The following ANO4 variants were observed in gnomAD, a reference collection of about 807,000 sequenced individuals.
ANO4 encodes anoctamin-4.
In ANO4, 69 loss-of-function variants were observed where a neutral mutation model predicts 141.9. The observed-to-expected ratio is 0.49, with a 90% CI of 0.40 to 0.59. ANO4 has a LOEUF of 0.59. ANO4 is among the 20% of genes least tolerant of loss of function. The pLI, the probability that ANO4 is intolerant of heterozygous loss-of-function variation, is 0.00. For missense variants in ANO4, 894 were observed against 1,162.2 expected (o/e 0.77, Z 3.36); for synonymous variants, 350 against 394.3 (o/e 0.89, Z 1.33).
chr12:100,981,938 G>A (rs2044482220), intron 7 of ANO4, among the ~76,000 whole-genome samples: 1 of 152,020 alleles, frequency 6.6e-6, no homozygotes, highest in South Asian at 2.1e-4. Context: ...AGATCAAATA[G>A]AACCTTCCCA....
intron 5 of ANO4, among the ~76,000 whole-genome samples, chr12:100,961,153 GGCCTAT>G (rs1255368558): frequency 6.6e-6 from 1 of 152,008 alleles, no homozygotes; most frequent in African/African-American, 2.4e-5. Context: ...GTCCAATTAG[GGCCTAT>G]GCACTAGGCA....
At chr12:100,727,898 C>T (rs1278812457) in intron 1 of ANO4, among the ~76,000 whole-genome samples, 1 of 152,132 alleles carries the variant, frequency 6.6e-6, no homozygotes, top group Non-Finnish European at 1.5e-5. Context: ...TGCCCTTGTA[C>T]TTTTACTTCA....
At position 101,042,445 on chromosome 12, in the gene ANO4, C is replaced by T; in HGVS notation, c.1131C>T (p.Thr377=). The change falls in exon 12 of 28, where the codon ACC becomes ACT. Residue 377 remains threonine, a synonymous_variant. Transcript: ENST00000392977. The stretch of plus-strand genomic sequence containing the variant: ...TGTTTGTCTTTTTGTATGGCGTCAC[C>T]ACTCTGGATCACAGCCAAGTCAGGT... ...IGLFVFLYGV[T]TLDHSQVSKE... is the part of the protein sequence containing the mutation. The T allele has an allele frequency of 6.2e-7, 1 of 1,614,090 alleles. No homozygotes were observed.
chr12:101,084,369 T>C (rs2136889262), intron 16 of ANO4, among the ~76,000 whole-genome samples: 1 of 152,272 alleles, frequency 6.6e-6, no homozygotes, highest in South Asian at 2.1e-4. Flanking sequence ...ATCATGTCAG[T>C]TTGAAAAACA....
intron 17 of ANO4, among the ~76,000 whole-genome samples, chr12:101,091,367 C>T (rs1201589816): frequency 6.6e-6 from 1 of 152,172 alleles, no homozygotes; most frequent in Non-Finnish European, 1.5e-5. Context: ...GATGATGTCT[C>T]ATCCCCGCAC....
At chr12:100,799,559 T>C (rs945570482) in intron 1 of ANO4, among the ~76,000 whole-genome samples, 2 of 152,128 alleles carry the variant, frequency 1.3e-5, no homozygotes, top group Non-Finnish European at 2.9e-5. Flanking sequence ...CTGGCCAACA[T>C]GGTGAAACTC....
intron 3 of ANO4, among the ~76,000 whole-genome samples, chr12:100,767,977 G>C (rs2033155470): frequency 6.6e-6 from 1 of 152,110 alleles, no homozygotes; most frequent in African/African-American, 2.4e-5. Flanking sequence ...TGGATCTAGT[G>C]GAACATGGGG....
intron 9 of ANO4, among the ~76,000 whole-genome samples, chr12:101,025,016 C>T (rs2046675683): frequency 6.6e-6 from 1 of 152,182 alleles, no homozygotes; most frequent in Non-Finnish European, 1.5e-5. Context: ...TCTCAAGCCA[C>T]TTGAGAAATT....
chr12:101,113,233 C>T (rs965495209), intron 24 of ANO4, among the ~76,000 whole-genome samples: 2 of 152,144 alleles, frequency 1.3e-5, no homozygotes, highest in African/African-American at 2.4e-5. Context: ...CTGGATTTTC[C>T]GTCGTAATGG....
At chr12:100,755,615 A>G (rs889763201) in intron 3 of ANO4, among the ~76,000 whole-genome samples, 6 of 152,208 alleles carry the variant, frequency 3.9e-5, no homozygotes, top group Non-Finnish European at 8.8e-5. Flanking sequence ...AAAATGCTGT[A>G]ATGATCACTA....
Position 100,806,523 on chromosome 12 carries a change from C to CTTTTTTTTTTTT in ANO4, c.-141+11496_-141+11497insTTTTTTTTTTTT, listed in dbSNP as rs1593379234. Among the ~76,000 whole-genome samples, 394 of 44,970 alleles carry CTTTTTTTTTTTT rather than the reference C, an allele frequency of 8.8e-3. 130 individuals carry two copies. Among genetic ancestry groups the CTTTTTTTTTTTT allele is most frequent in the Non-Finnish European group, 0.011 (251 of 22,622 alleles). The allele number at this position is 44,970 out of a possible 152,430, so 29.5% of individuals were successfully genotyped here. A position where few individuals can be genotyped will look rare whatever the true frequency, so the allele number is the denominator to read the frequency against. ...TTTTTAGGAGGTTTTTTTTTTGTTT[C>CTTTTTTTTTTTT]GTTTTTTTTTTTTTTTTTTTTTTTT... On this transcript the variant is annotated intron_variant, in intron 1 of 27. Coordinates refer to ENST00000392977, the MANE Select transcript of ANO4 (RefSeq NM_001286615.2).
At chr12:100,811,875 G>A (rs77063208) in intron 1 of ANO4, among the ~76,000 whole-genome samples, 5,932 of 152,232 alleles carry the variant, frequency 0.039, 164 homozygotes, top group Non-Finnish European at 0.057. Flanking sequence ...AACCATGGTA[G>A]TCGATATAAA....
intron 3 of ANO4, among the ~76,000 whole-genome samples, chr12:100,751,327 A>G (rs2032365813): frequency 6.6e-6 from 1 of 151,852 alleles, no homozygotes; most frequent in Non-Finnish European, 1.5e-5. Context: ...AGCATGGAAA[A>G]TCTCTGCTGA....
chr12:100,836,271 T>G (rs2036906108), intron 1 of ANO4, among the ~76,000 whole-genome samples: 2 of 152,094 alleles, frequency 1.3e-5, no homozygotes, highest in Non-Finnish European at 2.9e-5. Context: ...TTAATCTATT[T>G]GAAAAATATG....
intron 1 of ANO4, among the ~76,000 whole-genome samples, chr12:100,888,881 A>G (rs886263674): frequency 1.3e-5 from 2 of 150,718 alleles, no homozygotes; most frequent in African/African-American, 4.9e-5. Flanking sequence ...TCTTATTTTT[A>G]TTATTATTAT....
At chr12:100,871,812 G>T (rs2039050032) in intron 1 of ANO4, among the ~76,000 whole-genome samples, 1 of 152,086 alleles carries the variant, frequency 6.6e-6, no homozygotes, top group Non-Finnish European at 1.5e-5. Context: ...TCCATTCTTG[G>T]TTTGGGGTGG....
In ANO4 at chr12:101,126,956, AAG is replaced by A; in HGVS notation, c.2760_2761del (p.Lys921ValfsTer9). On this transcript the variant is annotated frameshift_variant, in exon 27 of 28. Coordinates refer to ENST00000392977, the MANE Select transcript of ANO4 (RefSeq NM_001286615.2). LOFTEE classifies it high-confidence loss of function. The part of the protein sequence containing the change: ...LPKDLRDRMR[R>X]EKYLIQEMMY... ...CAAAAGACCTAAGGGATCGAATGAG[AAG>A]AGAGAAGTACTTGATTCAGGAGATG... is the stretch of plus-strand genomic sequence containing the variant. 1 of 1,614,190 alleles carries A rather than the reference AAG, an allele frequency of 6.2e-7. No homozygotes were observed. Among genetic ancestry groups the A allele is most frequent in the Non-Finnish European group, 8.5e-7 (1 of 1,180,028 alleles).
intron 1 of ANO4, among the ~76,000 whole-genome samples, chr12:100,801,935 A>G (rs1051171358): frequency 6.6e-6 from 1 of 152,344 alleles, no homozygotes; most frequent in African/African-American, 2.4e-5. Context: ...AATTAAATCA[A>G]AAGTCTGTAT....
chr12:100,766,118 G>T (rs1161707249), intron 3 of ANO4, among the ~76,000 whole-genome samples: 16 of 152,074 alleles, frequency 1.1e-4, no homozygotes, highest in South Asian at 6.2e-4. Flanking sequence ...AGATCATGCA[G>T]TATTTGCCTT....
Sources: gnomAD v4.1 joint callset for allele counts (sites outside exome capture counted in the v4.1 genomes callset) on GRCh38, gnomAD v4.1.1 for gene constraint, MANE v1.5 for transcripts, NCBI Gene and HGNC (gene_info 2026-07-23, HGNC 2026-07-21) for gene names.